Variants in GEMIN5 observed in about 807,000 individuals in gnomAD.
The protein encoded by GEMIN5 is gem nuclear organelle associated protein 5, also known as gem-associated protein 5.
A neutral mutation model predicts 176.9 loss-of-function variants in GEMIN5; 124 were observed. That is an observed-to-expected ratio of 0.70 (90% confidence interval 0.61 to 0.81). The LOEUF (loss-of-function observed/expected upper bound fraction) is 0.81, where lower values mean the gene tolerates loss of function less well. Among genes scored for constraint, GEMIN5 ranks in the 40% least tolerant of loss-of-function variants. The pLI, the probability that GEMIN5 is intolerant of heterozygous loss-of-function variation, is 0.00. For missense variants in GEMIN5, 1,843 were observed against 1,814.6 expected (o/e 1.02, Z -0.28); for synonymous variants, 673 against 665.2 (o/e 1.01, Z -0.18).
chr5:154,904,486 C>CA (rs757077526), intron 18 of GEMIN5, 21 bp downstream of exon 18: 10 of 1,610,638 alleles, frequency 6.2e-6, no homozygotes, highest in Non-Finnish European at 8.5e-6. Context: ...ATGGATGGGC[C>CA]AAGGAAGTAC....
intron 19 of GEMIN5, 94 bp downstream of exon 19, chr5:154,902,986 T>G: frequency 1.2e-6 from 1 of 848,676 alleles, no homozygotes. Flanking sequence ...CTAACCATTA[T>G]AATATCACAG....
chr5:154,935,284 A>G (rs145899892), intron 3 of GEMIN5, among the ~76,000 whole-genome samples: 2 of 152,320 alleles, frequency 1.3e-5, no homozygotes, highest in African/African-American at 4.8e-5. Context: ...AATCCACTCC[A>G]ATCAGAATTT....
In GEMIN5 at chr5:154,891,263, G is replaced by C. The variant is rs1001992960; in HGVS notation, c.4240C>G (p.Leu1414Val). The C allele has an allele frequency of 1.2e-6, 2 of 1,613,692 alleles. No homozygotes were observed. The highest frequency in any genetic ancestry group is 1.7e-5 in the Admixed American group (1 of 59,994). The change falls in exon 26 of 28, where the codon CTC becomes GTC. Residue 1414 changes from leucine (L) to valine (V), a missense_variant. Coordinates refer to ENST00000285873, the MANE Select transcript of GEMIN5 (RefSeq NM_015465.5). ...TACCACTGGCTCTGAGAACTGCAGA[G>C]GGGCTGCTCTGCTTCTACTTCCGGT... Reference protein sequence around the residue: ...NEPEVEAEQPLCSSQSQCKEE... With the variant: ...NEPEVEAEQPVCSSQSQCKEE...
At chr5:154,911,340 C>T (rs1046235061) in intron 15 of GEMIN5, among the ~76,000 whole-genome samples, 2 of 152,014 alleles carry the variant, frequency 1.3e-5, no homozygotes, top group South Asian at 4.2e-4. Flanking sequence ...GGCTAGATCC[C>T]GTCTCTACTA....
chr5:154,900,825 A>G (rs1314079568), intron 21 of GEMIN5, among the ~76,000 whole-genome samples: 1 of 152,118 alleles, frequency 6.6e-6, no homozygotes, highest in Non-Finnish European at 1.5e-5. Flanking sequence ...ACTTGGAGAC[A>G]TCTGAGTTTT....
intron 3 of GEMIN5, among the ~76,000 whole-genome samples, chr5:154,935,232 G>C (rs1764243706): frequency 6.6e-6 from 1 of 152,180 alleles, no homozygotes; most frequent in African/African-American, 2.4e-5. Flanking sequence ...AAGAGTTGTT[G>C]TCTCTTTGTG....
intron 7 of GEMIN5, among the ~76,000 whole-genome samples, chr5:154,927,171 T>C (rs1392000452): frequency 1.3e-5 from 2 of 152,232 alleles, no homozygotes; most frequent in Non-Finnish European, 2.9e-5. Context: ...TTCTTTATTA[T>C]GTCTGCTTTA....
In GEMIN5 at chr5:154,898,663, T is replaced by A; in HGVS notation, c.3135-13A>T. On this transcript the variant is annotated splice_polypyrimidine_tract_variant and intron_variant, in intron 22 of 27. Transcript: ENST00000285873. ...GGCCCCTAAATAGCTATAATATGAA[T>A]AAAAATGTGAAGAAAATGTCACAAA... The A allele has an allele frequency of 1.6e-4, 208 of 1,285,248 alleles. No homozygotes were observed. The highest frequency in any genetic ancestry group is 2.2e-4 in the Non-Finnish European group (191 of 880,600). 79.6% of individuals were successfully genotyped at this position (1,285,248 alleles called of 1,614,324 possible).
Position 154,899,303 on chromosome 5 carries a change from T to G in GEMIN5, c.3022A>C (p.Ile1008Leu). ...CGCAGCCGGGCCTTGGCAATCGCAA[T>G]AGCTTCCCTAAAGGCAAGAACAGAC... ...LKSNHFYREAIAIAKARLRPE... is the reference protein window; with the variant it reads ...LKSNHFYREALAIAKARLRPE... The change falls in exon 22 of 28, where the codon ATT becomes CTT. Residue 1008 changes from isoleucine (I) to leucine (L), a missense_variant. Physicochemically the swap from Ile to Leu is conservative, Grantham distance 5. Transcript: ENST00000285873. 2 of 1,610,752 alleles carry G rather than the reference T, an allele frequency of 1.2e-6. No individual in the cohort carries two copies. Among genetic ancestry groups the G allele is most frequent in the South Asian group, 1.1e-5 (1 of 90,090 alleles).
rs1235701378 is a variant in GEMIN5 at position 154,907,605 on chromosome 5, C to A, written c.2381G>T (p.Gly794Val). Residue 794 changes from glycine (G) to valine (V), a missense_variant, in exon 16 of 28, where the codon GGC becomes GTC. Coordinates refer to ENST00000285873, the MANE Select transcript of GEMIN5 (RefSeq NM_015465.5). Reference protein sequence around the residue: ...EQAREPELPCGLAPAVSREPV... With the variant: ...EQAREPELPCVLAPAVSREPV... ...CTGCCACATACCCGCTGGAGCAAGG[C>A]CACAGGGTAATTCCGGCTCCCGTGC... is the stretch of plus-strand genomic sequence containing the variant. The A allele has an allele frequency of 6.2e-7, 1 of 1,613,722 alleles. No individual in the cohort carries two copies. The highest frequency in any genetic ancestry group is 1.1e-5 in the South Asian group (1 of 91,064).
chr5:154,928,458 C>T, intron 6 of GEMIN5, 69 bp downstream of exon 6: 1 of 1,431,652 alleles, frequency 7.0e-7, no homozygotes. Context: ...CTTTCTCCAT[C>T]CTAGGAGGAC....
In GEMIN5 at chr5:154,903,132, A is replaced by G; in HGVS notation, c.2676T>C (p.His892=). The G allele has an allele frequency of 6.2e-7, 1 of 1,613,404 alleles. No individual in the cohort carries two copies. The highest frequency in any genetic ancestry group is 8.5e-7 in the Non-Finnish European group (1 of 1,179,442). Reference sequence around the variant, plus strand: ...TAGCCCTGTCTGTGAAAAGCCCCAGATGAAATCTTTCCTCAACATCAGCAG... The same window carrying G: ...TAGCCCTGTCTGTGAAAAGCCCCAGGTGAAATCTTTCCTCAACATCAGCAG... ...DVSADVEERF[H]LGLFTDRATL... is the part of the protein sequence containing the mutation. Residue 892 remains histidine (H), a synonymous_variant, in exon 19 of 28, where the codon CAT becomes CAC. Transcript: ENST00000285873.
At chr5:154,900,231 T>C (rs1376017774) in intron 21 of GEMIN5, among the ~76,000 whole-genome samples, 1 of 152,188 alleles carries the variant, frequency 6.6e-6, no homozygotes, top group Non-Finnish European at 1.5e-5. Flanking sequence ...ATTTGGAAGA[T>C]CTGAACAACT....
chr5:154,920,147 C>A, intron 10 of GEMIN5, 44 bp from the exon 11 acceptor site: 1 of 1,546,344 alleles, frequency 6.5e-7, no homozygotes, highest in Non-Finnish European at 8.9e-7. Flanking sequence ...TGTACTTCAT[C>A]AGCTTAACTA....
intron 15 of GEMIN5, 116 bp downstream of exon 15, chr5:154,911,611 C>T (rs1763700790): frequency 1.2e-6 from 1 of 828,384 alleles, no homozygotes; most frequent in Non-Finnish European, 1.9e-6. Context: ...TAGGCTCAGA[C>T]CCCTGCCCTA....
chr5:154,906,091 G>T (rs2113473761), intron 16 of GEMIN5, among the ~76,000 whole-genome samples: 1 of 152,044 alleles, frequency 6.6e-6, no homozygotes, highest in African/African-American at 2.4e-5. Context: ...AACCTCCTGG[G>T]CTCAGGTGAT....
chr5:154,925,660 G>A (rs76740941), intron 8 of GEMIN5, among the ~76,000 whole-genome samples: 1,576 of 152,276 alleles, frequency 0.01, 32 homozygotes, highest in African/African-American at 0.036. Context: ...AAAATGCTGA[G>A]ATGAACAGAG....
chr5:154,907,434 T>C (rs1179980919), intron 16 of GEMIN5, among the ~76,000 whole-genome samples, 157 bp downstream of exon 16: 1 of 140,738 alleles, frequency 7.1e-6, no homozygotes, highest in Non-Finnish European at 1.5e-5. Context: ...AAGATGTTTA[T>C]TTTAGAGACT....
intron 15 of GEMIN5, among the ~76,000 whole-genome samples, chr5:154,910,899 CT>C (rs1763686648): frequency 6.6e-6 from 1 of 152,104 alleles, no homozygotes; most frequent in South Asian, 2.1e-4. Flanking sequence ...AGGGTTTCAC[CT>C]GTTAGTCAGG....
Sources: allele counts gnomAD v4.1 joint callset (sites outside exome capture counted in the v4.1 genomes callset), GRCh38; gene constraint gnomAD v4.1.1; transcripts MANE v1.5; gene names NCBI Gene and HGNC (gene_info 2026-07-23, HGNC 2026-07-21).